Variants in STXBP5L observed in about 807,000 individuals in gnomAD.
STXBP5L encodes the protein syntaxin-binding protein 5-like.
Under a neutral mutation model 144.5 loss-of-function variants are expected in STXBP5L, and 65 were observed. The ratio of observed to expected loss-of-function variants is 0.45; its 90% confidence interval spans 0.37 to 0.55. The LOEUF (loss-of-function observed/expected upper bound fraction) is 0.55. Ranked by LOEUF, STXBP5L falls within the 20% of genes least tolerant of loss-of-function variation. The pLI, the probability that STXBP5L is intolerant of heterozygous loss-of-function variation, is 0.00. For synonymous variants in STXBP5L, 505 were observed against 469.6 expected (o/e 1.08, Z -0.97); for missense variants, 1,298 against 1,405.5 (o/e 0.92, Z 1.22).
In STXBP5L at chr3:121,238,477, A is replaced by G. The variant is rs375116491; in HGVS notation, c.1185-494A>G. ...CACCTCTCATTAGGCTCCACCTCCA[A>G]CACTGGGGACTAAATTTCAAGATGA... On this transcript the variant is annotated intron_variant, in intron 12 of 26. Coordinates refer to ENST00000471454, the MANE Select transcript of STXBP5L (RefSeq NM_001308330.2). 3.3e-5 allele frequency among the ~76,000 whole-genome samples: 5 copies of G among 152,172 alleles called. No homozygotes were observed. In the East Asian group the frequency reaches 9.6e-4, roughly 29 times the overall value.
intron 9 of STXBP5L, among the ~76,000 whole-genome samples, chr3:121,197,519 G>A (rs1025249185): frequency 6.6e-6 from 1 of 151,762 alleles, no homozygotes; most frequent in Admixed American, 6.6e-5. Flanking sequence ...TAAGTTCTGG[G>A]ATACATAGGC....
At chr3:121,148,049 G>T (rs933944219) in intron 7 of STXBP5L, among the ~76,000 whole-genome samples, 1 of 151,834 alleles carries the variant, frequency 6.6e-6, no homozygotes, top group Non-Finnish European at 1.5e-5. Flanking sequence ...CAGATCTTGG[G>T]ACTTGTCAGC....
At chr3:120,934,489 C>A (rs1167539982) in intron 2 of STXBP5L, among the ~76,000 whole-genome samples, 1 of 152,058 alleles carries the variant, frequency 6.6e-6, no homozygotes, top group Middle Eastern at 3.2e-3. Flanking sequence ...ATAAAATATT[C>A]TATAAATGCC....
Position 121,113,666 on chromosome 3 carries a change from C to CTTT in STXBP5L, c.471-1256_471-1254dup, listed in dbSNP as rs1273804231. ...TGGATGTTCACTTTTATTCTTTTTT[C>CTTT]TTTTTCTTTTTTTTTTTTTTTTTTG... On this transcript the variant is annotated intron_variant, in intron 5 of 26. Transcript: ENST00000471454. Among the ~76,000 whole-genome samples the CTTT allele has an allele frequency of 1.5e-3, 203 of 132,790 alleles. 4 individuals carry two copies. The highest frequency in any genetic ancestry group is 3.3e-3 in the Admixed American group (41 of 12,310). 87.1% of individuals were successfully genotyped at this position (132,790 alleles called of 152,430 possible). A position where few individuals can be genotyped will look rare whatever the true frequency, so the allele number is the denominator to read the frequency against.
chr3:121,114,616 CA>C (rs1487567009), intron 5 of STXBP5L, among the ~76,000 whole-genome samples: 1 of 151,924 alleles, frequency 6.6e-6, no homozygotes, highest in Non-Finnish European at 1.5e-5. Flanking sequence ...GGCAAGTAAA[CA>C]AAAAAATTCA....
intron 9 of STXBP5L, among the ~76,000 whole-genome samples, chr3:121,176,177 C>T (rs2046925531): frequency 6.6e-6 from 1 of 151,936 alleles, no homozygotes; most frequent in South Asian, 2.1e-4. Flanking sequence ...TATTGGTAGC[C>T]TGAACCCTAT....
At chr3:121,089,092 TAAAAAAAAAAA>T (rs375977537) in intron 5 of STXBP5L, among the ~76,000 whole-genome samples, 1 of 56,150 alleles carries the variant, frequency 1.8e-5, no homozygotes, top group East Asian at 6.8e-4. Flanking sequence ...TAGAGTATAA[TAAAAAAAAAAA>T]AAAAAAAAAA....
Position 121,114,951 on chromosome 3 carries a change from A to G in STXBP5L, c.497A>G (p.Gln166Arg), listed in dbSNP as rs758987557. ...ATTACTTACTGTCATCTACCTTTCC[A>G]GAGTAAATGGCTTTATGTTGGAACA... ...ERITYCHLPF[Q>R]SKWLYVGTER... The change falls in exon 6 of 27, where the codon CAG (glutamine) becomes CGG (arginine). Residue 166 changes from glutamine (Q) to arginine (R), a missense_variant. By Grantham distance (43) the Gln-to-Arg change is conservative. Coordinates refer to ENST00000471454, the MANE Select transcript of STXBP5L (RefSeq NM_001308330.2). 1 of 1,576,004 alleles carries G rather than the reference A, an allele frequency of 6.3e-7. No homozygotes were observed. The highest frequency in any genetic ancestry group is 1.2e-5 in the South Asian group (1 of 82,702).
At chr3:121,036,093 G>T (rs553483746) in intron 3 of STXBP5L, among the ~76,000 whole-genome samples, 1 of 152,220 alleles carries the variant, frequency 6.6e-6, no homozygotes, top group East Asian at 1.9e-4. Context: ...AGCACTTTGG[G>T]CGGCTGAGGT....
At chr3:121,106,751 A>G (rs911236378) in intron 5 of STXBP5L, among the ~76,000 whole-genome samples, 1 of 152,174 alleles carries the variant, frequency 6.6e-6, no homozygotes, top group Non-Finnish European at 1.5e-5. Context: ...TCCTCTGGGT[A>G]TATACCCAGT....
chr3:121,377,162 T>C (rs942811750), intron 20 of STXBP5L, among the ~76,000 whole-genome samples: 1 of 152,202 alleles, frequency 6.6e-6, no homozygotes, highest in African/African-American at 2.4e-5. Context: ...TATACAATCA[T>C]GTCATCTGCA....
At chr3:121,172,941 C>G (rs2046785184) in intron 9 of STXBP5L, among the ~76,000 whole-genome samples, 1 of 152,178 alleles carries the variant, frequency 6.6e-6, no homozygotes, top group Non-Finnish European at 1.5e-5. Context: ...AAATGTCCAT[C>G]AGTGATAGAC....
chr3:121,007,597 T>A (rs917425906), intron 3 of STXBP5L, among the ~76,000 whole-genome samples: 1 of 152,036 alleles, frequency 6.6e-6, no homozygotes, highest in African/African-American at 2.4e-5. Flanking sequence ...AATGAGATAT[T>A]CAACTCTGTT....
intron 5 of STXBP5L, among the ~76,000 whole-genome samples, chr3:121,092,696 A>G (rs2042879042): frequency 6.6e-6 from 1 of 152,220 alleles, no homozygotes; most frequent in South Asian, 2.1e-4. Context: ...TTTTCTAGAT[A>G]CACAATCATG....
intron 20 of STXBP5L, among the ~76,000 whole-genome samples, chr3:121,361,864 G>C (rs564652619): frequency 6.6e-6 from 1 of 152,108 alleles, no homozygotes; most frequent in African/African-American, 2.4e-5. Flanking sequence ...GATGTTCTTT[G>C]GTGTGTGGGC....
intron 3 of STXBP5L, among the ~76,000 whole-genome samples, chr3:120,974,703 T>C (rs1232819835): frequency 6.6e-6 from 1 of 152,218 alleles, no homozygotes; most frequent in Admixed American, 6.5e-5. Flanking sequence ...TTAATCCATC[T>C]TGAATTAATT....
At chr3:121,229,616 C>T (rs1022018359) in intron 11 of STXBP5L, among the ~76,000 whole-genome samples, 33 of 152,104 alleles carry the variant, frequency 2.2e-4, no homozygotes, top group Admixed American at 2.6e-4. Context: ...AGTGCAGTGG[C>T]ATGATCATGG....
intron 20 of STXBP5L, among the ~76,000 whole-genome samples, chr3:121,368,484 A>C (rs2108654502): frequency 6.6e-6 from 1 of 151,360 alleles, no homozygotes; most frequent in African/African-American, 2.4e-5. Context: ...TTTCAGGGAT[A>C]ATTTCTGTTG....
At chr3:121,323,887 G>A (rs192711967) in intron 20 of STXBP5L, among the ~76,000 whole-genome samples, 17 of 152,216 alleles carry the variant, frequency 1.1e-4, no homozygotes, top group Non-Finnish European at 2.1e-4. Flanking sequence ...TTTTTATTTG[G>A]ACGAAGAATT....
Sources: allele counts gnomAD v4.1 joint callset (sites outside exome capture counted in the v4.1 genomes callset), GRCh38; gene constraint gnomAD v4.1.1; transcripts MANE v1.5; gene names NCBI Gene and HGNC (gene_info 2026-07-23, HGNC 2026-07-21).